KIAA1217: variants seen among roughly 807,000 people sequenced by gnomAD.
KIAA1217 encodes the protein sickle tail protein homolog.
Under a neutral mutation model 163.9 loss-of-function variants are expected in KIAA1217, and 88 were observed. The observed-to-expected ratio is 0.54, with a 90% CI of 0.45 to 0.64. KIAA1217 has a LOEUF of 0.64. Ranked by LOEUF, KIAA1217 falls within the 30% of genes least tolerant of loss-of-function variation. The pLI is 0.00. For synonymous variants in KIAA1217, 903 were observed against 923.1 expected (o/e 0.98, Z 0.39); for missense variants, 2,372 against 2,475.0 (o/e 0.96, Z 0.88).
chr10:23,985,189 T>C (rs1044217360), intron 1 of KIAA1217, among the ~76,000 whole-genome samples: 1 of 152,228 alleles, frequency 6.6e-6, no homozygotes, highest in Non-Finnish European at 1.5e-5. Flanking sequence ...GTGCTTGTCC[T>C]GAGCTTGTAT....
At chr10:24,220,446 C>CTT (rs530992369) in intron 2 of KIAA1217, among the ~76,000 whole-genome samples, 2,951 of 102,994 alleles carry the variant, frequency 0.029, 807 homozygotes, top group African/African-American at 0.14. Context: ...TTCTGCTCTT[C>CTT]TTTTTTTTTT....
At chr10:23,905,653 A>G (rs1038155122) in intron 1 of KIAA1217, among the ~76,000 whole-genome samples, 1 of 152,122 alleles carries the variant, frequency 6.6e-6, no homozygotes, top group African/African-American at 2.4e-5. Flanking sequence ...GAGATGGATT[A>G]TAGTTTGCAC....
chr10:24,374,054 CTT>C (rs1162336063), intron 2 of KIAA1217, among the ~76,000 whole-genome samples: 3 of 152,292 alleles, frequency 2.0e-5, no homozygotes, highest in Admixed American at 6.5e-5. Flanking sequence ...TCTGGGTACT[CTT>C]TGGATGGAAA....
At chr10:24,084,501 G>C (rs1384629886) in intron 2 of KIAA1217, among the ~76,000 whole-genome samples, 2 of 152,132 alleles carry the variant, frequency 1.3e-5, no homozygotes, top group African/African-American at 2.4e-5. Context: ...ATAGTAATGA[G>C]AGCCATGAAA....
At chr10:23,719,918 A>G (rs1158978523) in intron 1 of KIAA1217, among the ~76,000 whole-genome samples, 1 of 152,124 alleles carries the variant, frequency 6.6e-6, no homozygotes, top group Non-Finnish European at 1.5e-5. Flanking sequence ...GCCTCAAACA[A>G]ACAAAAAGGC....
chr10:23,746,569 G>A (rs955041303), intron 1 of KIAA1217, among the ~76,000 whole-genome samples: 13 of 151,860 alleles, frequency 8.6e-5, no homozygotes, highest in South Asian at 2.1e-4. Flanking sequence ...GACTACAGGC[G>A]CCCGCCACCA....
chr10:23,810,116 G>A (rs1014630986), intron 1 of KIAA1217, among the ~76,000 whole-genome samples: 4 of 151,756 alleles, frequency 2.6e-5, no homozygotes, highest in Non-Finnish European at 5.9e-5. Flanking sequence ...CCATAGGTTA[G>A]GTGTGTAAAA....
At chr10:24,177,289 ATATATATATT>A (rs201157215) in intron 2 of KIAA1217, among the ~76,000 whole-genome samples, 23,555 of 120,068 alleles carry the variant, frequency 0.2, 3,713 homozygotes, top group South Asian at 0.24. Context: ...ATATATATAT[ATATATATATT>A]ACAATTTCTT....
chr10:24,407,807 G>A lies in KIAA1217; in HGVS notation c.554-25188G>A, dbSNP rs1370710473. 3.3e-5 allele frequency among the ~76,000 whole-genome samples: 5 copies of A among 152,214 alleles called. No homozygotes were observed. The East Asian group carries it at 9.7e-4, about 29-fold the overall frequency. Reference sequence around the variant, plus strand: ...GGCCATGGTCATGAAGAGTGGCCTGGTAGCCCCACCTTATCCAGGCGGACC... The same window carrying A: ...GGCCATGGTCATGAAGAGTGGCCTGATAGCCCCACCTTATCCAGGCGGACC... On this transcript the variant is annotated intron_variant, in intron 3 of 20. Transcript: ENST00000376454.
chr10:24,413,511 C>T (rs1228906766), intron 3 of KIAA1217, among the ~76,000 whole-genome samples: 1 of 152,120 alleles, frequency 6.6e-6, no homozygotes, highest in Non-Finnish European at 1.5e-5. Context: ...AGCCATTGAC[C>T]TCATCTTGTC....
chr10:23,961,170 GTTTA>G (rs1385149842), intron 1 of KIAA1217, among the ~76,000 whole-genome samples: 2 of 152,134 alleles, frequency 1.3e-5, no homozygotes, highest in East Asian at 3.9e-4. Flanking sequence ...TGCATTCCCA[GTTTA>G]TTTATCTTCT....
chr10:24,222,977 G>A (rs539540946), intron 2 of KIAA1217, among the ~76,000 whole-genome samples: 5 of 152,120 alleles, frequency 3.3e-5, no homozygotes, highest in Non-Finnish European at 7.4e-5. Flanking sequence ...ATTTCCTGAC[G>A]TTGCCATGGC....
chr10:24,541,445 C>T (rs992499761), intron 17 of KIAA1217, among the ~76,000 whole-genome samples: 3 of 152,040 alleles, frequency 2.0e-5, no homozygotes, highest in Non-Finnish European at 4.4e-5. Context: ...ATTCCTCAGG[C>T]GTGTATGAAC....
rs181860644 is a variant in KIAA1217, at chr10:23,915,631, T to C, written c.-320-91594T>C. Among the ~76,000 whole-genome samples, 4 of 152,298 alleles carry C rather than the reference T, an allele frequency of 2.6e-5. No individual in the cohort carries two copies. In the East Asian group the frequency reaches 7.7e-4, roughly 29 times the overall value. On this transcript the variant is annotated intron_variant, in intron 1 of 18. Coordinates refer to the KIAA1217 transcript ENST00000376462. The stretch of plus-strand genomic sequence containing the variant: ...GGTATATAGAAATTCTCTGTACTAT[T>C]TCTGCAACTTTTCTGGAAATCTATA...
At chr10:24,034,931 AC>A (rs1848331679) in intron 2 of KIAA1217, among the ~76,000 whole-genome samples, 1 of 152,174 alleles carries the variant, frequency 6.6e-6, no homozygotes, top group African/African-American at 2.4e-5. Context: ...CTTTGCAGCC[AC>A]CCAAGTGCAG....
intron 2 of KIAA1217, among the ~76,000 whole-genome samples, chr10:24,362,390 T>C (rs1203414993): frequency 3.9e-5 from 6 of 152,150 alleles, no homozygotes; most frequent in Non-Finnish European, 8.8e-5. Flanking sequence ...TCTCCACTGG[T>C]AAAATAGAGA....
chr10:23,743,300 A>G (rs1839218198), intron 1 of KIAA1217, among the ~76,000 whole-genome samples: 1 of 151,812 alleles, frequency 6.6e-6, no homozygotes, highest in Admixed American at 6.6e-5. Flanking sequence ...CGGTAATTCC[A>G]CCCAACACCT....
upstream of KIAA1217, chr10:24,208,928 C>T (rs1231640064): frequency 5.1e-6 from 2 of 388,976 alleles, no homozygotes; most frequent in South Asian, 3.2e-5. Flanking sequence ...CCCCGGAGAG[C>T]GCGCCTGAGG....
intron 2 of KIAA1217, among the ~76,000 whole-genome samples, chr10:24,059,907 G>T (rs948164572): frequency 6.6e-6 from 1 of 152,122 alleles, no homozygotes; most frequent in African/African-American, 2.4e-5. Context: ...GTCTTGGTAA[G>T]CTGTATGTTT....
Sources: allele counts gnomAD v4.1 joint callset (sites outside exome capture counted in the v4.1 genomes callset), GRCh38; gene constraint gnomAD v4.1.1; transcripts MANE v1.5; gene names NCBI Gene and HGNC (gene_info 2026-07-23, HGNC 2026-07-21).